The following MCCC2 variants were observed in gnomAD, a reference collection of about 807,000 sequenced individuals.
MCCC2 encodes the protein methylcrotonyl-CoA carboxylase subunit 2.
In MCCC2, 52 loss-of-function variants were observed where a neutral mutation model predicts 77.2. The ratio of observed to expected loss-of-function variants is 0.67; its 90% CI spans 0.54 to 0.85. The LOEUF (loss-of-function observed/expected upper bound fraction) is 0.85. MCCC2 is among the 40% of genes least tolerant of loss of function. MCCC2 has a pLI of 0.00. For missense variants in MCCC2, 682 were observed against 703.2 expected (o/e 0.97, Z 0.34); for synonymous variants, 253 against 248.4 (o/e 1.02, Z -0.18).
At chr5:71,633,933 G>A (rs1229385006) in intron 8 of MCCC2, among the ~76,000 whole-genome samples, 1 of 152,082 alleles carries the variant, frequency 6.6e-6, no homozygotes, top group Non-Finnish European at 1.5e-5. Flanking sequence ...CCATTTGTGA[G>A]GCATCTGTGG....
intron 6 of MCCC2, among the ~76,000 whole-genome samples, chr5:71,617,469 C>G (rs1020427250): frequency 1.3e-5 from 2 of 152,158 alleles, no homozygotes; most frequent in African/African-American, 4.8e-5. Flanking sequence ...TTTTTATATC[C>G]TCACACATTT....
intron 10 of MCCC2, among the ~76,000 whole-genome samples, chr5:71,640,381 C>T (rs941143087): frequency 1.3e-3 from 116 of 90,280 alleles, no homozygotes; most frequent in African/African-American, 4.2e-3. Context: ...GCACTTTTTA[C>T]ATTTTTTTTT....
chr5:71,602,548 A>T lies in MCCC2; in HGVS notation c.426A>T (p.Gly142=). The T allele has an allele frequency of 6.2e-7, 1 of 1,614,166 alleles. No homozygotes were observed. The highest frequency in any genetic ancestry group is 2.2e-5 in the East Asian group (1 of 44,876). ...TTGCCAATGATGCCACCGTCAAAGG[A>T]GGTGCCTACTACCCAGTGACTGTGA... The part of the protein sequence containing the change: ...MIIANDATVK[G]GAYYPVTVKK... The change falls in exon 5 of 17, where the codon GGA becomes GGT. Residue 142 remains glycine (G), a synonymous_variant. Coordinates refer to ENST00000340941, the MANE Select transcript of MCCC2 (RefSeq NM_022132.5).
chr5:71,596,939 C>CAA (rs199756667), intron 3 of MCCC2, among the ~76,000 whole-genome samples: 1 of 131,354 alleles, frequency 7.6e-6, no homozygotes, highest in African/African-American at 2.8e-5. Flanking sequence ...GACTCTGTCT[C>CAA]AAAAAAAAAA....
chr5:71,650,311 A>G, intron 15 of MCCC2, 128 bp downstream of exon 15: 1 of 731,440 alleles, frequency 1.4e-6, no homozygotes, highest in Non-Finnish European at 2.5e-6. Flanking sequence ...CTGCCTGGCC[A>G]TATTTAGACT....
At chr5:71,644,663 A>T (rs1281838806) in intron 12 of MCCC2, among the ~76,000 whole-genome samples, 1 of 152,098 alleles carries the variant, frequency 6.6e-6, no homozygotes, top group Non-Finnish European at 1.5e-5. Flanking sequence ...AGGAAATAAA[A>T]TGTTTCCTTA....
intron 11 of MCCC2, among the ~76,000 whole-genome samples, chr5:71,642,452 G>T (rs1747150178): frequency 6.6e-6 from 1 of 152,206 alleles, no homozygotes; most frequent in Non-Finnish European, 1.5e-5. Context: ...TTGTAACTCA[G>T]GTTTGATCAG....
rs571903895 is a variant in MCCC2, at chr5:71,590,582, C to T, written c.130-2344C>T. Among the ~76,000 whole-genome samples, 333 of 151,900 alleles carry T rather than the reference C, an allele frequency of 2.2e-3. 4 individuals carry two copies. The highest frequency in any genetic ancestry group is 3.3e-3 in the Non-Finnish European group (221 of 67,956). The stretch of plus-strand genomic sequence containing the variant: ...CTGTAATCCTAGCGCTTTGGGAGGC[C>T]GAGGCTGGTGGATCACCTGAGGTCA... On this transcript the variant is annotated intron_variant, in intron 1 of 16. Coordinates refer to ENST00000340941, the MANE Select transcript of MCCC2 (RefSeq NM_022132.5).
intron 2 of MCCC2, among the ~76,000 whole-genome samples, chr5:71,594,771 A>G (rs1745109860): frequency 6.6e-6 from 1 of 152,132 alleles, no homozygotes; most frequent in Non-Finnish European, 1.5e-5. Flanking sequence ...GTGCTCTGTG[A>G]GCCTGCATCA....
intron 7 of MCCC2, among the ~76,000 whole-genome samples, chr5:71,629,398 G>A (rs1447698183): frequency 6.6e-6 from 1 of 152,048 alleles, no homozygotes; most frequent in Non-Finnish European, 1.5e-5. Context: ...TCTGGAATTG[G>A]GTAGTGGTGA....
chr5:71,592,983 A>ATAAAC lies in MCCC2; in HGVS notation c.191_192insCTAAA (p.Lys64AsnfsTer2). ...TCAGCTCCATGAACGAGTGGAGCAT[A>ATAAAC]TAAAACTAGGTAAACACAGCATTTA... On this transcript the variant is annotated frameshift_variant, in exon 2 of 17. Transcript: ENST00000340941. LOFTEE classifies it high-confidence loss of function. The ATAAAC allele has an allele frequency of 6.2e-7, 1 of 1,612,922 alleles. No individual in the cohort carries two copies. Among genetic ancestry groups the ATAAAC allele is most frequent in the Non-Finnish European group, 8.5e-7 (1 of 1,178,954 alleles).
At chr5:71,633,131 A>ATATATATTTTTTTTTTTTTT (rs1554137344) in intron 8 of MCCC2, among the ~76,000 whole-genome samples, 3 of 78,076 alleles carry the variant, frequency 3.8e-5, no homozygotes, top group East Asian at 4.9e-4. Flanking sequence ...ATATATATAT[A>ATATATATTTTTTTTTTTTTT]TTTTTATTTT....
intron 13 of MCCC2, 115 bp downstream of exon 13, chr5:71,646,392 C>A: frequency 1.1e-6 from 1 of 878,662 alleles, no homozygotes; most frequent in Non-Finnish European, 1.9e-6. Context: ...GGAAGTTCTA[C>A]TGGACATGCT....
chr5:71,596,443 T>C, intron 3 of MCCC2, 79 bp downstream of exon 3: 2 of 1,245,506 alleles, frequency 1.6e-6, no homozygotes, highest in East Asian at 2.3e-5. Flanking sequence ...AAATCAGTTA[T>C]TTTGAATTCT....
rs530676299 is a variant in MCCC2 at position 71,613,561 on chromosome 5, C to T, written c.624+9093C>T. ...CTGTAATCCCAGTACTTTGAGAGGC[C>T]AAGGCAGGAGGATTGCCTGAGCCCA... is the stretch of plus-strand genomic sequence containing the variant. On this transcript the variant is annotated intron_variant, in intron 6 of 16. Transcript: ENST00000340941. Among the ~76,000 whole-genome samples the T allele has an allele frequency of 3.9e-5, 6 of 152,096 alleles. No individual in the cohort carries two copies. In the East Asian group the frequency reaches 1.2e-3, roughly 29 times the overall value.
At chr5:71,614,683 T>C (rs548994421) in intron 6 of MCCC2, among the ~76,000 whole-genome samples, 17 of 152,118 alleles carry the variant, frequency 1.1e-4, no homozygotes, top group African/African-American at 3.9e-4. Flanking sequence ...GGGGTTTTAC[T>C]ATGTTGCCCA....
chr5:71,594,193 G>T (rs550750619), intron 2 of MCCC2, among the ~76,000 whole-genome samples: 1 of 152,274 alleles, frequency 6.6e-6, no homozygotes, highest in South Asian at 2.1e-4. Flanking sequence ...CATTTTGAGA[G>T]TTTGATTTGG....
At chr5:71,611,668 G>A (rs6885523) in intron 6 of MCCC2, among the ~76,000 whole-genome samples, 60,605 of 152,080 alleles carry the variant, frequency 0.4, 12,677 homozygotes, top group South Asian at 0.47. Flanking sequence ...AAACATGCAC[G>A]TGGGAGCGAT....
At position 71,646,222 on chromosome 5, in the gene MCCC2, T is replaced by C. The variant is rs2112463686; in HGVS notation, c.1161T>C (p.Phe387=). The C allele has an allele frequency of 1.9e-6, 3 of 1,613,868 alleles. No homozygotes were observed. Among genetic ancestry groups the C allele is most frequent in the East Asian group, 2.2e-5 (1 of 44,876 alleles). ...FSESAKKGTH[F]VQLCCQRNIP... is the part of the protein sequence containing the mutation. ...TTATTTGCTTATAGGGTACTCACTT[T>C]GTCCAGTTATGCTGCCAAAGAAATA... Residue 387 remains phenylalanine (F), a synonymous_variant, in exon 13 of 17, where the codon TTT becomes TTC. Transcript: ENST00000340941.
Sources: gnomAD v4.1 joint callset for allele counts (sites outside exome capture counted in the v4.1 genomes callset) on GRCh38, gnomAD v4.1.1 for gene constraint, MANE v1.5 for transcripts, NCBI Gene and HGNC (gene_info 2026-07-23, HGNC 2026-07-21) for gene names.